SLC9B1: variants seen among roughly 807,000 people sequenced by gnomAD.
SLC9B1 encodes the protein sodium/hydrogen exchanger 9B1.
In SLC9B1, 32 loss-of-function variants were observed where a neutral mutation model predicts 51.7. That is an observed-to-expected ratio of 0.62 (90% CI 0.47 to 0.83). SLC9B1 has a LOEUF of 0.83. Among genes scored for constraint, SLC9B1 ranks in the 40% least tolerant of loss-of-function variants. The probability of loss-of-function intolerance (pLI) is 0.00; values close to 1 mark genes in which losing one functional copy is unlikely to be tolerated. For synonymous variants in SLC9B1, 145 were observed against 212.7 expected (o/e 0.68, Z 2.77); for missense variants, 406 against 613.2 (o/e 0.66, Z 3.57).
rs56014819 is a variant in SLC9B1, at chr4:102,939,406, C to CAAA, written c.653+5784_653+5786dup. Among the ~76,000 whole-genome samples the CAAA allele has an allele frequency of 1.1e-3, 75 of 68,236 alleles. 1 individual carries two copies. The highest frequency in any genetic ancestry group is 1.7e-3 in the African/African-American group (29 of 17,086). The allele number at this position is 68,236 out of a possible 152,430, so 44.8% of individuals were successfully genotyped here. Reference sequence around the variant, plus strand: ...AATGAGTAATAAAAAGTCTCTGAGCCAAAAAAAAAAAAAAAAAAAAAAGCA... The same window carrying CAAA: ...AATGAGTAATAAAAAGTCTCTGAGCCAAAAAAAAAAAAAAAAAAAAAAAAAGCA... On this transcript the variant is annotated intron_variant, in intron 6 of 11. Transcript: ENST00000296422.
intron 1 of SLC9B1, among the ~76,000 whole-genome samples, chr4:102,999,167 G>A (rs182110983): frequency 1.2e-4 from 18 of 152,238 alleles, no homozygotes; most frequent in South Asian, 6.2e-4. Flanking sequence ...GTTTTTTTCC[G>A]TTGCTGAGTT....
chr4:102,966,496 A>G (rs1405191015), intron 3 of SLC9B1, among the ~76,000 whole-genome samples: 2 of 152,152 alleles, frequency 1.3e-5, no homozygotes, highest in Non-Finnish European at 2.9e-5. Context: ...TATGGTTTGT[A>G]TCTTGTGGAA....
chr4:102,945,111 A>G, intron 6 of SLC9B1, 82 bp downstream of exon 6: 1 of 1,335,124 alleles, frequency 7.5e-7, no homozygotes, highest in Non-Finnish European at 9.9e-7. Context: ...GCTTTTCTAT[A>G]CAACATTCTG....
chr4:102,979,374 T>A (rs1183657273), intron 3 of SLC9B1, among the ~76,000 whole-genome samples: 2 of 152,178 alleles, frequency 1.3e-5, no homozygotes, highest in African/African-American at 4.8e-5. Flanking sequence ...TCATTTGTTA[T>A]TCTCAGTAGT....
chr4:102,995,976 A>G (rs1243111968), intron 1 of SLC9B1, among the ~76,000 whole-genome samples: 3 of 152,178 alleles, frequency 2.0e-5, no homozygotes, highest in Non-Finnish European at 4.4e-5. Flanking sequence ...GGATGCAGGA[A>G]AGTTAAGTAA....
intron 3 of SLC9B1, among the ~76,000 whole-genome samples, chr4:102,973,483 CA>C (rs1402880227): frequency 6.6e-6 from 1 of 152,008 alleles, no homozygotes; most frequent in Non-Finnish European, 1.5e-5. Context: ...CAATGAAAAT[CA>C]AAATGTAGTA....
intron 4 of SLC9B1, among the ~76,000 whole-genome samples, chr4:102,948,112 C>T (rs991222174): frequency 2.6e-5 from 4 of 152,098 alleles, no homozygotes; most frequent in African/African-American, 9.7e-5. Flanking sequence ...ATCACATTGT[C>T]TATTGTCATG....
At chr4:102,924,250 C>A (rs960530296) in intron 7 of SLC9B1, among the ~76,000 whole-genome samples, 4 of 152,100 alleles carry the variant, frequency 2.6e-5, no homozygotes, top group Non-Finnish European at 4.4e-5. Flanking sequence ...AGAAATAATA[C>A]GACACATCTA....
At chr4:102,942,082 CAACA>C (rs1012462900) in intron 6 of SLC9B1, among the ~76,000 whole-genome samples, 21 of 151,970 alleles carry the variant, frequency 1.4e-4, no homozygotes, top group Non-Finnish European at 2.7e-4. Context: ...AACAAACAAA[CAACA>C]AACAAACAAA....
At chr4:103,019,493 G>T in intron 1 of SLC9B1, 106 bp downstream of exon 1, 2 of 730,812 alleles carry the variant, frequency 2.7e-6, no homozygotes, top group Non-Finnish European at 3.3e-6. Flanking sequence ...TGAACTGAGG[G>T]GGAGGAAAGG....
chr4:102,917,696 A>C (rs1735652046), intron 7 of SLC9B1, among the ~76,000 whole-genome samples: 1 of 152,184 alleles, frequency 6.6e-6, no homozygotes. Flanking sequence ...ATCTAAAATA[A>C]GCAACTTAGC....
chr4:102,947,521 A>T (rs902261184), intron 4 of SLC9B1, among the ~76,000 whole-genome samples: 4 of 152,044 alleles, frequency 2.6e-5, no homozygotes, highest in African/African-American at 7.2e-5. Flanking sequence ...ACCCAGAAAA[A>T]TTTTTAATAT....
intron 3 of SLC9B1, among the ~76,000 whole-genome samples, chr4:102,975,584 ATATTTT>A (rs1265158936): frequency 7.5e-5 from 6 of 80,160 alleles, no homozygotes; most frequent in African/African-American, 3.3e-4. Flanking sequence ...ATATATATAT[ATATTTT>A]TTTTTTTTTT....
intron 7 of SLC9B1, among the ~76,000 whole-genome samples, chr4:102,927,183 G>A (rs1736228657): frequency 6.6e-6 from 1 of 152,172 alleles, no homozygotes; most frequent in Non-Finnish European, 1.5e-5. Context: ...TCAGGCCATA[G>A]GCATGGGCGA....
chr4:102,930,347 T>G (rs2110456772), intron 7 of SLC9B1, among the ~76,000 whole-genome samples: 1 of 152,332 alleles, frequency 6.6e-6, no homozygotes, highest in East Asian at 1.9e-4. Context: ...ACAATTACAC[T>G]TTTAAGCTTA....
intron 10 of SLC9B1, among the ~76,000 whole-genome samples, chr4:102,906,102 A>C (rs557847641): frequency 4.6e-5 from 7 of 152,070 alleles, no homozygotes; most frequent in African/African-American, 1.7e-4. Flanking sequence ...CACCTGGCTA[A>C]TTTTTGTATT....
chr4:102,923,213 C>G (rs534413100), intron 7 of SLC9B1, among the ~76,000 whole-genome samples: 1 of 152,164 alleles, frequency 6.6e-6, no homozygotes, highest in African/African-American at 2.4e-5. Flanking sequence ...GCTTATCCAC[C>G]ACGATCAAGT....
rs765709645 is a variant in SLC9B1 at position 102,951,960 on chromosome 4, C to CTTT, written c.212-2536_212-2534dup. 1.8e-3 allele frequency among the ~76,000 whole-genome samples: 12 copies of CTTT among 6,546 alleles called. 4 individuals carry two copies. The highest frequency in any genetic ancestry group is 5.0e-3 in the Admixed American group (2 of 400). 4.3% of individuals were successfully genotyped at this position (6,546 alleles called of 152,430 possible). Reference sequence around the variant, plus strand: ...AGACTACCAAAGGCAAAAATAAAATCTTTTTTTTTTTTTTTTTTTTATTAT... The same window carrying CTTT: ...AGACTACCAAAGGCAAAAATAAAATCTTTTTTTTTTTTTTTTTTTTTTTATTAT... On this transcript the variant is annotated intron_variant, in intron 3 of 11. Transcript: ENST00000296422.
chr4:102,925,013 T>C (rs1228132313), intron 7 of SLC9B1, among the ~76,000 whole-genome samples: 1 of 152,182 alleles, frequency 6.6e-6, no homozygotes, highest in African/African-American at 2.4e-5. Context: ...CTCAAGGATC[T>C]AGAACTAGAA....
Sources: gnomAD v4.1 joint callset for allele counts (sites outside exome capture counted in the v4.1 genomes callset) on GRCh38, gnomAD v4.1.1 for gene constraint, MANE v1.5 for transcripts, NCBI Gene and HGNC (gene_info 2026-07-23, HGNC 2026-07-21) for gene names.